XXYLT1: variants seen among roughly 807,000 people sequenced by gnomAD.
The protein encoded by XXYLT1 is UDP-xylose:alpha-xyloside alpha-1,3-xylosyltransferase.
A neutral mutation model predicts 28.9 loss-of-function variants in XXYLT1; 20 were observed. That is an observed-to-expected ratio of 0.69 (90% confidence interval 0.49 to 1.00). The LOEUF is 1.00. XXYLT1 is among the 50% of genes least tolerant of loss of function. XXYLT1 has a pLI of 0.00. For missense variants in XXYLT1, 542 were observed against 560.1 expected (o/e 0.97, Z 0.33); for synonymous variants, 257 against 253.8 (o/e 1.01, Z -0.12).
intron 3 of XXYLT1, among the ~76,000 whole-genome samples, chr3:195,075,830 C>T (rs915201124): frequency 2.6e-5 from 4 of 152,224 alleles, no homozygotes; most frequent in Non-Finnish European, 5.9e-5. Flanking sequence ...CACAACATCC[C>T]CAGAACTTGG....
At chr3:195,109,901 T>TGTGG (rs1717418149) in intron 3 of XXYLT1, among the ~76,000 whole-genome samples, 2 of 44,210 alleles carry the variant, frequency 4.5e-5, no homozygotes, top group African/African-American at 1.6e-4. Context: ...GAGGTGTGGG[T>TGTGG]GTGTGTGGTG....
intron 2 of XXYLT1, among the ~76,000 whole-genome samples, chr3:195,202,176 CA>C (rs894194223): frequency 7.3e-5 from 11 of 149,830 alleles, no homozygotes; most frequent in Non-Finnish European, 1.6e-4. Flanking sequence ...GACTCCGTCT[CA>C]AAAAAAAAGA....
intron 2 of XXYLT1, among the ~76,000 whole-genome samples, chr3:195,160,192 A>T (rs890124504): frequency 6.6e-6 from 1 of 152,222 alleles, no homozygotes; most frequent in Non-Finnish European, 1.5e-5. Context: ...CACAAAAAGC[A>T]ACACGCAACA....
intron 3 of XXYLT1, among the ~76,000 whole-genome samples, chr3:195,117,396 G>A (rs1019661246): frequency 1.3e-5 from 2 of 152,064 alleles, no homozygotes; most frequent in Non-Finnish European, 2.9e-5. Context: ...TGAACTTGAG[G>A]GATTTTTCTA....
chr3:195,232,448 C>T (rs1724342579), intron 1 of XXYLT1, among the ~76,000 whole-genome samples: 1 of 151,930 alleles, frequency 6.6e-6, no homozygotes, highest in South Asian at 2.1e-4. Context: ...TTTGCTGTTG[C>T]TTTTCTAGTT....
At chr3:195,201,381 A>G (rs1256545533) in intron 2 of XXYLT1, among the ~76,000 whole-genome samples, 1 of 152,144 alleles carries the variant, frequency 6.6e-6, no homozygotes, top group Non-Finnish European at 1.5e-5. Context: ...GACATTCCTT[A>G]CAGCTGCCTG....
At chr3:195,141,447 ACAT>A (rs1178574906) in intron 3 of XXYLT1, among the ~76,000 whole-genome samples, 5 of 152,212 alleles carry the variant, frequency 3.3e-5, no homozygotes, top group Non-Finnish European at 5.9e-5. Context: ...AGAAAATGTT[ACAT>A]CATCAAATCT....
At chr3:195,073,823 G>T (rs1402136128) in intron 3 of XXYLT1, among the ~76,000 whole-genome samples, 1 of 152,160 alleles carries the variant, frequency 6.6e-6, no homozygotes, top group Non-Finnish European at 1.5e-5. Context: ...TTAAAAGCTA[G>T]TCAACTAGTT....
intron 3 of XXYLT1, among the ~76,000 whole-genome samples, chr3:195,109,050 A>T (rs1203002939): frequency 1.3e-5 from 2 of 152,196 alleles, no homozygotes; most frequent in Non-Finnish European, 2.9e-5. Context: ...TTGATAAAGC[A>T]GTGAATTCTC....
chr3:195,236,312 T>A (rs1168674648), intron 1 of XXYLT1, among the ~76,000 whole-genome samples: 2 of 152,036 alleles, frequency 1.3e-5, no homozygotes, highest in African/African-American at 4.8e-5. Context: ...AACCACAAGA[T>A]AAAGTCCTTC....
At chr3:195,232,285 G>A (rs1399731648) in intron 1 of XXYLT1, among the ~76,000 whole-genome samples, 1 of 149,634 alleles carries the variant, frequency 6.7e-6, no homozygotes, top group African/African-American at 2.4e-5. Context: ...TTTTTTCTTA[G>A]TCTGGCTAAA....
At chr3:195,241,789 A>AAC (rs570693700) in intron 1 of XXYLT1, among the ~76,000 whole-genome samples, 2 of 151,582 alleles carry the variant, frequency 1.3e-5, no homozygotes, top group East Asian at 1.9e-4. Flanking sequence ...CCTCACCACC[A>AAC]ACACACACAC....
Position 195,168,566 on chromosome 3 carries a change from C to T in XXYLT1, c.653-11985G>A, listed in dbSNP as rs1443936017. 6.6e-6 allele frequency among the ~76,000 whole-genome samples: 1 copy of T among 152,234 alleles called. No individual in the cohort carries two copies. Among genetic ancestry groups the T allele is most frequent in the Non-Finnish European group, 1.5e-5 (1 of 68,036 alleles). On this transcript the variant is annotated intron_variant, in intron 2 of 3. Transcript: ENST00000310380. The surrounding 1 kb of genome is among the most constrained non-coding windows in gnomAD (Gnocchi z 4.3). ...CCCTGCTCCCCAGTCACCCAGCAAG[C>T]ATGGGCAGGCCCTGCTGAGAGAGGG...
chr3:195,228,384 C>T (rs192060757), intron 1 of XXYLT1, among the ~76,000 whole-genome samples: 48 of 152,206 alleles, frequency 3.2e-4, no homozygotes, highest in African/African-American at 1.1e-3. Flanking sequence ...TCTCAGGGTG[C>T]TGCCTGCACT....
chr3:195,137,127 T>C (rs1242903885), intron 3 of XXYLT1, among the ~76,000 whole-genome samples: 2 of 152,050 alleles, frequency 1.3e-5, no homozygotes, highest in Non-Finnish European at 2.9e-5. Context: ...ATCAGCTTGC[T>C]GTGGGGGCCA....
At chr3:195,172,330 A>G (rs1454168058) in intron 2 of XXYLT1, among the ~76,000 whole-genome samples, 1 of 152,208 alleles carries the variant, frequency 6.6e-6, no homozygotes, top group Non-Finnish European at 1.5e-5. Context: ...CTCAGGAGGA[A>G]AAACACTGCC....
chr3:195,140,977 T>A (rs939475725), intron 3 of XXYLT1, among the ~76,000 whole-genome samples: 8 of 152,134 alleles, frequency 5.3e-5, no homozygotes, highest in African/African-American at 1.7e-4. Context: ...ATGAGAGACA[T>A]GAGAGAGCTT....
chr3:195,078,013 AG>A lies in XXYLT1; in HGVS notation c.786-7903del, dbSNP rs1715220644. On this transcript the variant is annotated intron_variant, in intron 3 of 3. Transcript: ENST00000310380. This position sits in a 1 kb window ranked among gnomAD's most constrained non-coding sequence, Gnocchi z 5.0. ...GCAGCCCCGGAGCCTCGGCCCTGGGAGGGGCAAGGGACAGAGATGAGGGGGA... is the reference window on the plus strand; with the variant it reads ...GCAGCCCCGGAGCCTCGGCCCTGGGAGGGCAAGGGACAGAGATGAGGGGGA... 6.6e-6 allele frequency among the ~76,000 whole-genome samples: 1 copy of A among 152,072 alleles called. No homozygotes were observed. The highest frequency in any genetic ancestry group is 2.4e-5 in the African/African-American group (1 of 41,414).
intron 1 of XXYLT1, among the ~76,000 whole-genome samples, chr3:195,228,565 C>T (rs1308659039): frequency 1.4e-5 from 2 of 146,916 alleles, no homozygotes; most frequent in Non-Finnish European, 3.0e-5. Context: ...AATCTGGGCT[C>T]ACTGACACCG....
Sources: allele counts gnomAD v4.1 joint callset (sites outside exome capture counted in the v4.1 genomes callset), GRCh38; gene constraint gnomAD v4.1.1; non-coding constraint Gnocchi (gnomAD v3.1); transcripts MANE v1.5; gene names NCBI Gene and HGNC (gene_info 2026-07-23, HGNC 2026-07-21).